Variants in MACF1 observed in about 807,000 individuals in gnomAD.
MACF1 encodes microtubule actin crosslinking factor 1, also known as microtubule-actin cross-linking factor 1.
In MACF1, 193 loss-of-function variants were observed where a neutral mutation model predicts 854.8. The ratio of observed to expected loss-of-function variants is 0.23; its 90% CI spans 0.20 to 0.25. The LOEUF is 0.25. Ranked by LOEUF, MACF1 falls within the 10% of genes least tolerant of loss-of-function variation. The probability of loss-of-function intolerance (pLI) is 1.00; values close to 1 mark genes in which losing one functional copy is unlikely to be tolerated. For synonymous variants in MACF1, 3,185 were observed against 3,226.7 expected, an observed-to-expected ratio of 0.99 and a Z score of 0.44; for missense variants, 7,722 against 8,929.1, an observed-to-expected ratio of 0.86 and a Z score of 5.45.
At chr1:39,357,318 AATT>A in intron 44 of MACF1, 54 bp from the exon 45 acceptor site, 1 of 1,564,708 alleles carries the variant, frequency 6.4e-7, no homozygotes, top group African/African-American at 1.4e-5. Context: ...GTATACCTCA[AATT>A]ATTGTGGATT....
At chr1:39,309,459 C>T in intron 23 of MACF1, 111 bp from the exon 24 acceptor site, 3 of 1,292,752 alleles carry the variant, frequency 2.3e-6, no homozygotes, top group South Asian at 1.4e-5. Context: ...CCTTTCTCTG[C>T]TCAACATATA....
intron 58 of MACF1, among the ~76,000 whole-genome samples, chr1:39,419,892 T>C (rs1347740396): frequency 6.6e-6 from 1 of 151,804 alleles, no homozygotes; most frequent in Non-Finnish European, 1.5e-5. Context: ...GGTCTCAAAC[T>C]CCTGAGCTCT....
intron 43 of MACF1, among the ~76,000 whole-genome samples, chr1:39,351,776 T>C (rs1449350149): frequency 6.6e-6 from 1 of 151,862 alleles, no homozygotes; most frequent in Non-Finnish European, 1.5e-5. Flanking sequence ...TTAGTAGAGA[T>C]GGGGTTTCAC....
intron 2 of MACF1, among the ~76,000 whole-genome samples, chr1:39,095,388 C>A (rs1032647545): frequency 3.3e-5 from 5 of 151,404 alleles, no homozygotes; most frequent in African/African-American, 1.2e-4. Context: ...TGGTGAAACC[C>A]TGTCTCTATT....
intron 18 of MACF1, 29 bp downstream of exon 18, chr1:39,293,648 A>G (rs1645839999): frequency 4.4e-6 from 7 of 1,593,718 alleles, no homozygotes; most frequent in African/African-American, 2.7e-5. Flanking sequence ...CAGGCCTGTC[A>G]TACTTATTTA....
In MACF1 at chr1:39,442,311, C is replaced by T. The variant is rs1396239810; in HGVS notation, c.18939C>T (p.Ala6313=). Residue 6313 remains alanine, a synonymous_variant, in exon 76 of 101, where the codon GCC becomes GCT. Transcript: ENST00000564288. ...GGGAGAACCTGGGTGAGAAAATTGCCCACCGACAGGTAAGGCAGGTGGTAG... is the reference window on the plus strand; with the variant it reads ...GGGAGAACCTGGGTGAGAAAATTGCTCACCGACAGGTAAGGCAGGTGGTAG... The part of the protein sequence containing the change: ...HLWENLGEKI[A]HRQHKLEGAL... The T allele has an allele frequency of 6.3e-7, 1 of 1,594,848 alleles. No individual in the cohort carries two copies. The highest frequency in any genetic ancestry group is 8.5e-7 in the Non-Finnish European group (1 of 1,173,120).
chr1:39,461,446 T>C (rs571889625), intron 92 of MACF1, among the ~76,000 whole-genome samples: 1 of 152,260 alleles, frequency 6.6e-6, no homozygotes, highest in South Asian at 2.1e-4. Context: ...TATAAGTGGA[T>C]ATGTATTATT....
chr1:39,202,483 A>G (rs952528303), upstream of MACF1, among the ~76,000 whole-genome samples: 5 of 151,504 alleles, frequency 3.3e-5, no homozygotes, highest in African/African-American at 1.2e-4. Flanking sequence ...AAAAATAGAA[A>G]AATTAGCTAG....
intron 58 of MACF1, among the ~76,000 whole-genome samples, chr1:39,421,145 G>A (rs567114461): frequency 7.2e-5 from 11 of 152,256 alleles, no homozygotes; most frequent in African/African-American, 1.9e-4. Context: ...GATTACAGGC[G>A]TGAGCCACTG....
intron 50 of MACF1, 70 bp downstream of exon 50, chr1:39,368,384 T>C: frequency 6.9e-7 from 1 of 1,451,270 alleles, no homozygotes; most frequent in Non-Finnish European, 9.5e-7. Flanking sequence ...AATGATCTTT[T>C]CTCTTTTCTT....
At position 39,377,304 on chromosome 1, in the gene MACF1, G is replaced by C. The variant is rs191909142; in HGVS notation, c.13214-1157G>C. Among the ~76,000 whole-genome samples the C allele has an allele frequency of 5.3e-4, 80 of 152,242 alleles. 1 individual carries two copies. The highest frequency in any genetic ancestry group is 1.8e-3 in the African/African-American group (73 of 41,532). On this transcript the variant is annotated intron_variant, in intron 52 of 100. Transcript: ENST00000564288. The stretch of plus-strand genomic sequence containing the variant: ...TAGGATTACAGGTGTGAGCCACCGC[G>C]CCCGGCCAACTATTTTGTAATATAA...
chr1:39,299,344 C>T, intron 21 of MACF1: 1 of 453,570 alleles, frequency 2.2e-6, no homozygotes, highest in South Asian at 1.6e-5. Context: ...TCTTTACTCT[C>T]ATCGCATCTA....
chr1:39,335,192 A>G lies in MACF1; in HGVS notation c.8604A>G (p.Ile2868Met), dbSNP rs746054425. Residue 2868 changes from isoleucine to methionine, a missense_variant, in exon 37 of 101, where the codon ATA becomes ATG. Physicochemically the swap from Ile to Met is conservative, Grantham distance 10. Transcript: ENST00000564288. ...ATGCTAAAGAATTTATCAGTATCAT[A>G]AATCCTCATAATCTTAAAGGTAAAT... ...SSDAKEFISI[I>M]NPHNLKGKSL... The G allele has an allele frequency of 1.9e-6, 3 of 1,614,028 alleles. No individual in the cohort carries two copies. Among genetic ancestry groups the G allele is most frequent in the Admixed American group, 3.3e-5 (2 of 60,006 alleles).
chr1:39,421,560 C>T (rs914132607), intron 58 of MACF1, among the ~76,000 whole-genome samples: 1 of 152,146 alleles, frequency 6.6e-6, no homozygotes, highest in African/African-American at 2.4e-5. Flanking sequence ...ATTTTTCACA[C>T]TGTTAATATG....
In MACF1 at chr1:39,310,325, T is replaced by C. The variant is rs1253419813; in HGVS notation, c.2997T>C (p.Ser999=). The C allele has an allele frequency of 1.2e-6, 2 of 1,614,026 alleles. No homozygotes were observed. Among genetic ancestry groups the C allele is most frequent in the African/African-American group, 2.7e-5 (2 of 74,916 alleles). ...ACTATGAAGACTTTCTGCAGGATAG[T>C]CGTGACTCTGTGCTGTTCTCAGTGG... ...QAHYEDFLQD[S]RDSVLFSVAD... Residue 999 remains serine, a synonymous_variant, in exon 25 of 101, where the codon AGT becomes AGC. Coordinates refer to ENST00000564288, the MANE Select transcript of MACF1 (RefSeq NM_001394062.1).
At position 39,409,259 on chromosome 1, in the gene MACF1, C is replaced by T. The variant is rs1175546267; in HGVS notation, c.15817-13115C>T. On this transcript the variant is annotated intron_variant, in intron 58 of 100. Transcript: ENST00000564288. This position sits in a 1 kb window ranked among gnomAD's most constrained non-coding sequence, Gnocchi z 4.2. ...GCGGCGTGGTGGAGAATAGAGGCGG[C>T]TGCTTGTCATGCAGCCCACGGCGTG... 6.6e-6 allele frequency among the ~76,000 whole-genome samples: 1 copy of T among 152,060 alleles called. No homozygotes were observed. The highest frequency in any genetic ancestry group is 1.9e-4 in the East Asian group (1 of 5,186).
In MACF1 at chr1:39,434,481, G is replaced by A. The variant is rs368717141; in HGVS notation, c.17633G>A (p.Arg5878His). ...ISLLNSERYA[R>H]LERAQVLVNQ... ...CTACTCAATTCAGAGCGTTATGCCCGCCTAGAGCGGGCCCAGGTCTTAGTA... is the reference window on the plus strand; with the variant it reads ...CTACTCAATTCAGAGCGTTATGCCCACCTAGAGCGGGCCCAGGTCTTAGTA... Residue 5878 changes from arginine (R) to histidine (H), a missense_variant, in exon 69 of 101, where the codon CGC (arginine) becomes CAC (histidine). Physicochemically the swap from Arg to His is conservative, Grantham distance 29. Transcript: ENST00000564288. The A allele has an allele frequency of 1.1e-5, 18 of 1,608,808 alleles. No homozygotes were observed. Among genetic ancestry groups the A allele is most frequent in the South Asian group, 2.2e-5 (2 of 90,970 alleles).
intron 30 of MACF1, 92 bp downstream of exon 30, chr1:39,318,707 T>C: frequency 1.5e-6 from 2 of 1,297,338 alleles, no homozygotes; most frequent in Non-Finnish European, 2.1e-6. Context: ...TAAAGCTTCC[T>C]CCAAATGGAA....
chr1:39,357,281 C>T (rs1647676970), intron 44 of MACF1, 94 bp from the exon 45 acceptor site: 4 of 1,345,754 alleles, frequency 3.0e-6, no homozygotes, highest in African/African-American at 1.5e-5. Flanking sequence ...GTAAGCAGAC[C>T]TCACATGGAG....
Sources: allele counts gnomAD v4.1 joint callset (sites outside exome capture counted in the v4.1 genomes callset), GRCh38; gene constraint gnomAD v4.1.1; non-coding constraint Gnocchi (gnomAD v3.1); transcripts MANE v1.5; gene names NCBI Gene and HGNC (gene_info 2026-07-23, HGNC 2026-07-21).